Variants in CAST observed in about 807,000 individuals in gnomAD.
CAST encodes the protein MIR583 host.
In CAST, 76 loss-of-function variants were observed where a neutral mutation model predicts 119.6. That is an observed-to-expected ratio of 0.64 (90% CI 0.53 to 0.77). CAST has a LOEUF of 0.77. Among genes scored for constraint, CAST ranks in the 30% least tolerant of loss-of-function variants. The pLI, the probability that CAST is intolerant of heterozygous loss-of-function variation, is 0.00. For missense variants in CAST, 953 were observed against 946.5 expected (o/e 1.01, Z -0.09); for synonymous variants, 319 against 331.6 (o/e 0.96, Z 0.41).
chr5:96,230,299 C>G, the CAST span, among the ~76,000 whole-genome samples: 1 of 152,150 alleles, frequency 6.6e-6, no homozygotes, highest in African/African-American at 2.4e-5. Context: ...GGTTCCCTAC[C>G]TACTCTGTAA....
the CAST span, among the ~76,000 whole-genome samples, chr5:96,085,324 C>G: frequency 2.0e-5 from 3 of 152,158 alleles, no homozygotes; most frequent in African/African-American, 7.2e-5. Flanking sequence ...GATTACAACA[C>G]AGTGTGAATA....
chr5:95,996,443 T>C, the CAST span, among the ~76,000 whole-genome samples: 2 of 152,216 alleles, frequency 1.3e-5, no homozygotes, highest in Non-Finnish European at 2.9e-5. Context: ...ATTATTTTCA[T>C]GATATTGATA....
the CAST span, among the ~76,000 whole-genome samples, chr5:96,154,310 A>C: frequency 2.3e-4 from 35 of 152,142 alleles, no homozygotes; most frequent in Middle Eastern, 3.4e-3. Flanking sequence ...ACAAAAAAAA[A>C]CATAATGAAT....
chr5:96,433,375 C>G, the CAST span: 1 of 386,654 alleles, frequency 2.6e-6, no homozygotes, highest in Middle Eastern at 8.2e-4. Flanking sequence ...GGCGGAGAAG[C>G]GGCTAAAATA....
chr5:96,606,837 C>A (rs1189666793), intron 1 of CAST, among the ~76,000 whole-genome samples: 1 of 152,164 alleles, frequency 6.6e-6, no homozygotes. Context: ...GTCCCCAGAC[C>A]AGCAGCTTAG....
chr5:96,389,452 G>T, the CAST span, among the ~76,000 whole-genome samples: 1 of 152,120 alleles, frequency 6.6e-6, no homozygotes, highest in Non-Finnish European at 1.5e-5. Flanking sequence ...ATGGAAAGAA[G>T]TCCTTCTGGA....
the CAST span, among the ~76,000 whole-genome samples, chr5:96,075,234 A>G: frequency 1.3e-5 from 2 of 152,200 alleles, no homozygotes; most frequent in Admixed American, 1.3e-4. Flanking sequence ...ATCCCATGAA[A>G]TGATTCAGTT....
chr5:96,678,286 C>G (rs1401167496), intron 2 of CAST, among the ~76,000 whole-genome samples: 1 of 152,268 alleles, frequency 6.6e-6, no homozygotes, highest in Middle Eastern at 3.4e-3. Flanking sequence ...GGCATGTACC[C>G]TCCAATGTTA....
the CAST span, among the ~76,000 whole-genome samples, chr5:96,302,876 TTC>T: frequency 6.6e-6 from 1 of 152,212 alleles, no homozygotes; most frequent in Admixed American, 6.5e-5. Flanking sequence ...TCCTATCTTC[TTC>T]TGAGTCCAAA....
At chr5:96,500,730 C>G in the CAST span, among the ~76,000 whole-genome samples, 1 of 152,224 alleles carries the variant, frequency 6.6e-6, no homozygotes, top group Admixed American at 6.5e-5. Flanking sequence ...TAACATTAGC[C>G]AGAACAAAGT....
chr5:96,158,817 T>C, the CAST span, among the ~76,000 whole-genome samples: 1 of 152,238 alleles, frequency 6.6e-6, no homozygotes, highest in African/African-American at 2.4e-5. Context: ...TTGCCAGCAC[T>C]ATCTTAAGTG....
chr5:96,103,659 A>G, the CAST span, among the ~76,000 whole-genome samples: 6 of 151,836 alleles, frequency 4.0e-5, no homozygotes, highest in African/African-American at 1.5e-4. Context: ...CACAATAAAC[A>G]TACGTGTGCA....
chr5:96,495,947 C>T, the CAST span, among the ~76,000 whole-genome samples: 7 of 151,982 alleles, frequency 4.6e-5, no homozygotes, highest in South Asian at 1.5e-3. Flanking sequence ...TTTTTATTGT[C>T]CTGAAAAAGA....
At chr5:96,451,073 C>T in the CAST span, among the ~76,000 whole-genome samples, 1 of 152,132 alleles carries the variant, frequency 6.6e-6, no homozygotes, top group African/African-American at 2.4e-5. Context: ...TAGATTCCTC[C>T]AATCTTTCCT....
the CAST span, among the ~76,000 whole-genome samples, chr5:96,102,723 G>T: frequency 1.6e-3 from 224 of 142,238 alleles, 1 homozygote; most frequent in African/African-American, 5.1e-3. Context: ...TTTTCTTGGG[G>T]TTTTTTTTTT....
chr5:96,592,302 G>T (rs999503176), intron 1 of CAST, among the ~76,000 whole-genome samples: 1 of 152,034 alleles, frequency 6.6e-6, no homozygotes, highest in African/African-American at 2.4e-5. Context: ...TTGGGAGGCT[G>T]AGGCAGGAGA....
chr5:96,712,164 T>C (rs765416725), intron 3 of CAST, among the ~76,000 whole-genome samples: 69 of 152,138 alleles, frequency 4.5e-4, no homozygotes, highest in Non-Finnish European at 2.2e-4. Flanking sequence ...TGTTATCTGA[T>C]GGGAAGGTGG....
At chr5:96,274,246 C>T in the CAST span, among the ~76,000 whole-genome samples, 1,073 of 151,990 alleles carry the variant, frequency 7.1e-3, 10 homozygotes, top group African/African-American at 0.025. Flanking sequence ...GGACTACAGG[C>T]GCCCACCACC....
At chr5:96,760,939 C>T (rs192294633) in intron 24 of CAST, 9 of 151,962 alleles carry the variant, frequency 5.9e-5, no homozygotes, top group African/African-American at 2.2e-4. Flanking sequence ...TTTTTCAGTA[C>T]TTTTAGGTAA....
Sources: gnomAD v4.1 joint callset for allele counts (sites outside exome capture counted in the v4.1 genomes callset) on GRCh38, gnomAD v4.1.1 for gene constraint, MANE v1.5 for transcripts, NCBI Gene and HGNC (gene_info 2026-07-23, HGNC 2026-07-21) for gene names.